Variants in CSMD1 observed in about 807,000 individuals in gnomAD.
CSMD1 encodes CUB and sushi domain-containing protein 1.
Under a neutral mutation model 417.5 loss-of-function variants are expected in CSMD1, and 213 were observed. The ratio of observed to expected loss-of-function variants is 0.51; its 90% CI spans 0.46 to 0.57. The LOEUF is 0.57. Among genes scored for constraint, CSMD1 ranks in the 20% least tolerant of loss-of-function variants. CSMD1 has a pLI of 0.00. For missense variants in CSMD1, 6,923 were observed against 4,529.7 expected (o/e 1.53, Z -15.17); for synonymous variants, 2,862 against 1,736.8 (o/e 1.65, Z -16.11).
At chr8:4,217,669 A>AT in intron 3 of CSMD1, among the ~76,000 whole-genome samples, 1 of 151,874 alleles carries the variant, frequency 6.6e-6, no homozygotes, top group Admixed American at 6.6e-5. Flanking sequence ...AAAAAAAAAA[A>AT]AATTAGGAGC....
intron 4 of CSMD1, among the ~76,000 whole-genome samples, chr8:4,001,368 G>T (rs932102079): frequency 6.6e-6 from 1 of 152,130 alleles, no homozygotes; most frequent in Non-Finnish European, 1.5e-5. Flanking sequence ...TAGCCCCCTG[G>T]TTTCTCCACT....
intron 5 of CSMD1, among the ~76,000 whole-genome samples, chr8:3,968,969 G>T (rs2627461): frequency 6.6e-6 from 1 of 152,164 alleles, no homozygotes; most frequent in Admixed American, 6.5e-5. Flanking sequence ...ACCTAATGCA[G>T]GGCAGGGACA....
intron 3 of CSMD1, among the ~76,000 whole-genome samples, chr8:4,167,630 T>A (rs892674590): frequency 1.3e-5 from 2 of 152,154 alleles, no homozygotes; most frequent in African/African-American, 4.8e-5. Context: ...GACAGATAAA[T>A]CCATCTGTTT....
chr8:4,390,459 A>G (rs1339528988), intron 3 of CSMD1, among the ~76,000 whole-genome samples: 3 of 150,078 alleles, frequency 2.0e-5, no homozygotes, highest in Non-Finnish European at 3.0e-5. Context: ...TTTATCACCA[A>G]CATAGTTAAG....
At chr8:4,064,599 G>A (rs1184793251) in intron 3 of CSMD1, among the ~76,000 whole-genome samples, 3 of 152,150 alleles carry the variant, frequency 2.0e-5, no homozygotes, top group Non-Finnish European at 2.9e-5. Flanking sequence ...TGCCGTTTCC[G>A]AACGTGGCAA....
chr8:4,655,104 A>G (rs993936138), intron 1 of CSMD1, among the ~76,000 whole-genome samples: 1 of 151,564 alleles, frequency 6.6e-6, no homozygotes, highest in African/African-American at 2.4e-5. Context: ...ATTTACCTAT[A>G]TTACTAATTT....
chr8:4,326,976 G>T (rs745553395), intron 3 of CSMD1, among the ~76,000 whole-genome samples: 1 of 152,150 alleles, frequency 6.6e-6, no homozygotes, highest in Non-Finnish European at 1.5e-5. Flanking sequence ...ATAGGTTAAT[G>T]AAGGAACCTG....
chr8:3,079,896 T>C (rs948630235), intron 49 of CSMD1, among the ~76,000 whole-genome samples: 1 of 152,202 alleles, frequency 6.6e-6, no homozygotes, highest in African/African-American at 2.4e-5. Context: ...GTGCATCCTC[T>C]GTCCCCTCCA....
intron 47 of CSMD1, among the ~76,000 whole-genome samples, chr8:3,096,522 T>C (rs1815309472): frequency 6.6e-6 from 1 of 152,174 alleles, no homozygotes; most frequent in African/African-American, 2.4e-5. Context: ...GACTTGCTCC[T>C]CCTTGCCTTC....
intron 36 of CSMD1, among the ~76,000 whole-genome samples, chr8:3,184,231 C>T (rs1473537138): frequency 6.6e-6 from 1 of 152,164 alleles, no homozygotes; most frequent in Non-Finnish European, 1.5e-5. Flanking sequence ...TATTTCTATT[C>T]ATTCAAATAT....
chr8:4,054,321 G>A (rs1423654104), intron 3 of CSMD1, among the ~76,000 whole-genome samples: 2 of 152,116 alleles, frequency 1.3e-5, no homozygotes, highest in Non-Finnish European at 2.9e-5. Flanking sequence ...CTCCTCTGGG[G>A]AGCTGGGGTA....
intron 1 of CSMD1, among the ~76,000 whole-genome samples, chr8:4,714,569 C>A (rs529827830): frequency 1.2e-4 from 18 of 152,234 alleles, no homozygotes; most frequent in Admixed American, 6.5e-4. Context: ...GGAACTTTCC[C>A]AAGTTCATAG....
At chr8:4,894,195 T>G (rs1161319555) in intron 1 of CSMD1, among the ~76,000 whole-genome samples, 1 of 152,128 alleles carries the variant, frequency 6.6e-6, no homozygotes, top group African/African-American at 2.4e-5. Flanking sequence ...ATATGTCTTA[T>G]CAGATATGCC....
chr8:3,670,800 G>C (rs1244572645), intron 7 of CSMD1, among the ~76,000 whole-genome samples: 1 of 150,530 alleles, frequency 6.6e-6, no homozygotes, highest in Non-Finnish European at 1.5e-5. Flanking sequence ...ATGTATATGG[G>C]ATATATATGT....
At chr8:4,464,109 T>C (rs188705473) in intron 2 of CSMD1, among the ~76,000 whole-genome samples, 1 of 152,134 alleles carries the variant, frequency 6.6e-6, no homozygotes, top group East Asian at 1.9e-4. Flanking sequence ...AAGAATGAGA[T>C]AGAGCTCAGA....
intron 1 of CSMD1, among the ~76,000 whole-genome samples, chr8:4,732,557 T>G (rs1809972831): frequency 1.3e-5 from 2 of 152,162 alleles, no homozygotes; most frequent in Admixed American, 6.5e-5. Flanking sequence ...TTATTTGTAC[T>G]AATGGAAAGC....
chr8:4,767,631 C>T (rs934494223), intron 1 of CSMD1, among the ~76,000 whole-genome samples: 1 of 152,188 alleles, frequency 6.6e-6, no homozygotes, highest in African/African-American at 2.4e-5. Flanking sequence ...TTACTTTAAG[C>T]TTCTTCGTCT....
At chr8:4,131,601 G>A (rs1254955592) in intron 3 of CSMD1, among the ~76,000 whole-genome samples, 1 of 151,948 alleles carries the variant, frequency 6.6e-6, no homozygotes, top group Non-Finnish European at 1.5e-5. Flanking sequence ...CTAATGCTTA[G>A]TTTTACACTT....
At chr8:3,067,605 T>C (rs1377184546) in intron 49 of CSMD1, among the ~76,000 whole-genome samples, 3 of 149,572 alleles carry the variant, frequency 2.0e-5, no homozygotes, top group East Asian at 3.9e-4. Context: ...GTATAATATA[T>C]AGTATATAAT....
Sources: allele counts gnomAD v4.1 joint callset (sites outside exome capture counted in the v4.1 genomes callset), GRCh38; gene constraint gnomAD v4.1.1; transcripts MANE v1.5; gene names NCBI Gene and HGNC (gene_info 2026-07-23, HGNC 2026-07-21).